The following FAM20A variants were observed in gnomAD, a reference collection of about 807,000 sequenced individuals.
FAM20A encodes FAM20A golgi associated secretory pathway pseudokinase, also known as pseudokinase FAM20A.
Under a neutral mutation model 52.0 loss-of-function variants are expected in FAM20A, and 42 were observed. That is an observed-to-expected ratio of 0.81 (90% confidence interval 0.63 to 1.04). The LOEUF (loss-of-function observed/expected upper bound fraction) is 1.04. Ranked by LOEUF, FAM20A falls within the 50% of genes least tolerant of loss-of-function variation. FAM20A has a pLI of 0.00. For missense variants in FAM20A, 742 were observed against 712.7 expected, an observed-to-expected ratio of 1.04 and a Z score of -0.47; for synonymous variants, 304 against 298.9, an observed-to-expected ratio of 1.02 and a Z score of -0.18.
chr17:68,577,822 A>G (rs1448564018), intron 1 of FAM20A, among the ~76,000 whole-genome samples: 3 of 152,174 alleles, frequency 2.0e-5, no homozygotes, highest in African/African-American at 7.2e-5. Flanking sequence ...AAAGAAAACC[A>G]ATTTGAGTCA....
intron 4 of FAM20A, among the ~76,000 whole-genome samples, chr17:68,544,893 TAAG>T (rs959326633): frequency 6.6e-5 from 10 of 152,300 alleles, no homozygotes; most frequent in East Asian, 1.9e-4. Context: ...TGATGTAAGA[TAAG>T]AAGTAATTTT....
chr17:68,578,838 C>CAAAAAAAAAAA (rs5821664), intron 1 of FAM20A, among the ~76,000 whole-genome samples: 1 of 36,058 alleles, frequency 2.8e-5, no homozygotes, highest in African/African-American at 1.2e-4. Flanking sequence ...CTAAAAATAC[C>CAAAAAAAAAAA]AAAAAAAAAA....
chr17:68,565,596 G>A (rs775516695), intron 1 of FAM20A, among the ~76,000 whole-genome samples: 2 of 151,860 alleles, frequency 1.3e-5, no homozygotes, highest in Non-Finnish European at 2.9e-5. Flanking sequence ...GTTTCACCAC[G>A]TTGGTCAGGC....
At chr17:68,588,932 A>G (rs2088230680) in intron 1 of FAM20A, among the ~76,000 whole-genome samples, 1 of 152,160 alleles carries the variant, frequency 6.6e-6, no homozygotes, top group South Asian at 2.1e-4. Flanking sequence ...CTGCTGGACA[A>G]CTCACCAGCA....
intron 2 of FAM20A, 31 bp from the exon 3 acceptor site, chr17:68,554,858 T>TC (rs778830145): frequency 6.2e-7 from 1 of 1,611,796 alleles, no homozygotes; most frequent in South Asian, 1.1e-5. Context: ...AATGAGAACT[T>TC]CCAGTCTTGT....
intron 1 of FAM20A, chr17:68,575,090 G>C (rs566742219): frequency 6.6e-6 from 1 of 152,058 alleles, no homozygotes; most frequent in Non-Finnish European, 1.5e-5. Context: ...GTCACCAGAA[G>C]CTGAAAGAGA....
intron 4 of FAM20A, chr17:68,551,374 T>G (rs1053994753): frequency 1.4e-5 from 5 of 360,380 alleles, no homozygotes; most frequent in African/African-American, 1.0e-4. Flanking sequence ...AAACAAGTAT[T>G]GTGGTATACA....
intron 1 of FAM20A, among the ~76,000 whole-genome samples, chr17:68,592,926 C>T (rs965355143): frequency 6.6e-6 from 1 of 152,184 alleles, no homozygotes; most frequent in African/African-American, 2.4e-5. Flanking sequence ...CTACTGGCTG[C>T]CCCCAGTGCT....
At chr17:68,570,367 C>G (rs2087505196) in intron 1 of FAM20A, among the ~76,000 whole-genome samples, 3 of 152,204 alleles carry the variant, frequency 2.0e-5, no homozygotes. Flanking sequence ...AGCCACTACA[C>G]CTGGCCAACA....
rs1361777462 is a variant in FAM20A, at chr17:68,536,835, C to T, written c.*642G>A. ...GTAATACTCTTCAAATTGGAACACT[C>T]CTTTTCTGATATTCTTAGCAAATCC... On this transcript the variant is annotated 3_prime_UTR_variant, in exon 11 of 11. Transcript: ENST00000592554. 1.3e-5 allele frequency: 6 copies of T among 454,080 alleles called. No homozygotes were observed. In the East Asian group the frequency reaches 4.2e-4, roughly 32 times the overall value. 28.1% of individuals were successfully genotyped at this position (454,080 alleles called of 1,614,324 possible). A position where few individuals can be genotyped will look rare whatever the true frequency, so the allele number is the denominator to read the frequency against.
intron 1 of FAM20A, among the ~76,000 whole-genome samples, chr17:68,561,231 C>T (rs2087202713): frequency 6.6e-6 from 1 of 152,168 alleles, no homozygotes; most frequent in African/African-American, 2.4e-5. Context: ...GAATAAGAAA[C>T]CAAACCAAAG....
chr17:68,566,841 T>C (rs2087389713), intron 1 of FAM20A, among the ~76,000 whole-genome samples: 1 of 152,262 alleles, frequency 6.6e-6, no homozygotes, highest in Non-Finnish European at 1.5e-5. Flanking sequence ...TGTCTTCAGA[T>C]ATGAAAATAA....
At chr17:68,551,110 A>G in intron 4 of FAM20A, 1 of 1,234,342 alleles carries the variant, frequency 8.1e-7, no homozygotes. Context: ...AAGGAGGAGC[A>G]TTCCCCTGGG....
chr17:68,539,293 C>T (rs773465041), intron 10 of FAM20A, 44 bp downstream of exon 10: 2 of 1,606,814 alleles, frequency 1.2e-6, no homozygotes, highest in Non-Finnish European at 1.7e-6. Context: ...CATGAAGGGT[C>T]ACAACTGTTA....
At chr17:68,548,566 AAT>A (rs2086675840) in intron 4 of FAM20A, among the ~76,000 whole-genome samples, 1 of 151,976 alleles carries the variant, frequency 6.6e-6, no homozygotes, top group Admixed American at 6.6e-5. Flanking sequence ...AGAATTACCA[AAT>A]GTGACACAGA....
intron 1 of FAM20A, chr17:68,589,999 A>G (rs2143905585): frequency 6.6e-6 from 1 of 152,372 alleles, no homozygotes; most frequent in East Asian, 1.9e-4. Context: ...TTGCAATCTC[A>G]GAATACTCCT....
intron 1 of FAM20A, among the ~76,000 whole-genome samples, chr17:68,559,602 C>T (rs866768040): frequency 1.4e-4 from 21 of 152,114 alleles, no homozygotes; most frequent in South Asian, 6.2e-4. Flanking sequence ...AAGAGTATTT[C>T]TTTCAGAAAA....
At chr17:68,574,719 A>G (rs1197096825) in intron 1 of FAM20A, among the ~76,000 whole-genome samples, 1 of 152,142 alleles carries the variant, frequency 6.6e-6, no homozygotes, top group East Asian at 1.9e-4. Context: ...TCTGCTTACC[A>G]AGGTGAAGTC....
chr17:68,544,668 C>G (rs2086466048), intron 4 of FAM20A, among the ~76,000 whole-genome samples: 1 of 152,118 alleles, frequency 6.6e-6, no homozygotes, highest in African/African-American at 2.4e-5. Flanking sequence ...GAGGTGCTGC[C>G]AAAAGTAGAG....
Sources: allele counts gnomAD v4.1 joint callset (sites outside exome capture counted in the v4.1 genomes callset), GRCh38; gene constraint gnomAD v4.1.1; transcripts MANE v1.5; gene names NCBI Gene and HGNC (gene_info 2026-07-23, HGNC 2026-07-21).